FGFR1: variants seen among roughly 807,000 people sequenced by gnomAD.
FGFR1 encodes fibroblast growth factor receptor 1.
A neutral mutation model predicts 93.7 loss-of-function variants in FGFR1; 18 were observed. The observed-to-expected ratio is 0.19, with a 90% CI of 0.13 to 0.28. FGFR1 has a LOEUF of 0.28. FGFR1 is among the 10% of genes least tolerant of loss of function. FGFR1 has a pLI of 1.00. For synonymous variants in FGFR1, 448 were observed against 429.3 expected (o/e 1.04, Z -0.54); for missense variants, 731 against 1,080.4 (o/e 0.68, Z 4.53).
In FGFR1 at chr8:38,465,874, T is replaced by A. The variant is rs377593474; in HGVS notation, c.-89+2107A>T. ...CCGGAGGTGCAAAGGGTAGGGCACATCTGCGGAGGAAACAGTCACCTTAAT... is the reference window on the plus strand; with the variant it reads ...CCGGAGGTGCAAAGGGTAGGGCACAACTGCGGAGGAAACAGTCACCTTAAT... On this transcript the variant is annotated intron_variant, in intron 1 of 17. Coordinates refer to ENST00000447712, the MANE Select transcript of FGFR1 (RefSeq NM_023110.3). 4.5e-4 allele frequency: 100 copies of A among 223,488 alleles called. No homozygotes were observed. The East Asian group carries it at 5.3e-3, about 12-fold the overall frequency. The allele number at this position is 223,488 out of a possible 1,614,324, so 13.8% of individuals were successfully genotyped here.
rs1318408227 is a variant in FGFR1 at position 38,467,864 on chromosome 8, G to C, written c.-89+117C>G. The C allele has an allele frequency of 2.2e-5, 5 of 229,248 alleles. No individual in the cohort carries two copies. In the East Asian group the frequency reaches 3.1e-4, roughly 14 times the overall value. The allele number at this position is 229,248 out of a possible 1,614,324, so 14.2% of individuals were successfully genotyped here. ...GAAAGGGGCGGGCGGCGAGCGGAGG[G>C]AGGCGCCGGCCCCGGCTGGGCTGCG... On this transcript the variant is annotated intron_variant, in intron 1 of 17. Coordinates refer to ENST00000447712, the MANE Select transcript of FGFR1 (RefSeq NM_023110.3).
At chr8:38,428,511 T>G in intron 3 of FGFR1, 76 bp from the exon 4 acceptor site, 1 of 1,164,300 alleles carries the variant, frequency 8.6e-7, no homozygotes, top group Non-Finnish European at 1.3e-6. Context: ...CAGTTCCAGA[T>G]GAACACGGAC....
At chr8:38,423,281 G>T in intron 7 of FGFR1, 26 of 553,304 alleles carry the variant, frequency 4.7e-5, no homozygotes, top group Admixed American at 8.9e-5. Flanking sequence ...GAAGGGAGAT[G>T]TTAAGTGAGA....
chr8:38,423,520 C>G (rs1819582634), intron 7 of FGFR1: 1 of 268,520 alleles, frequency 3.7e-6, no homozygotes. Flanking sequence ...TGGGGTTTCA[C>G]CATGTTGGCC....
In FGFR1 at chr8:38,415,992, G is replaced by C. The variant is rs1816409609; in HGVS notation, c.1732C>G (p.Pro578Ala). ...TTGTAGCAGTATTCCAGCCCTGGGGGCCTCCGGGCCTGCAGGTACTCCCGC... is the reference window on the plus strand; with the variant it reads ...TTGTAGCAGTATTCCAGCCCTGGGGCCCTCCGGGCCTGCAGGTACTCCCGC... ...NLREYLQARR[P>A]PGLEYCYNPS... Residue 578 changes from proline (P) to alanine (A), a missense_variant, in exon 13 of 18, where the codon CCC (proline) becomes GCC (alanine). Coordinates refer to ENST00000447712, the MANE Select transcript of FGFR1 (RefSeq NM_023110.3). 1 of 1,613,964 alleles carries C rather than the reference G, an allele frequency of 6.2e-7. No homozygotes were observed.
At chr8:38,434,535 C>A in intron 2 of FGFR1, 1 of 317,428 alleles carries the variant, frequency 3.2e-6, no homozygotes, top group Non-Finnish European at 6.2e-6. Flanking sequence ...ACCTTCACCA[C>A]AAGGAGATTT....
intron 2 of FGFR1, among the ~76,000 whole-genome samples, chr8:38,438,669 GC>G: frequency 6.6e-6 from 1 of 152,236 alleles, no homozygotes; most frequent in African/African-American, 2.4e-5. Flanking sequence ...AACACAGGTA[GC>G]CTGGTTCTCC....
intron 2 of FGFR1, among the ~76,000 whole-genome samples, chr8:38,444,880 T>C (rs968938367): frequency 2.6e-5 from 4 of 152,138 alleles, no homozygotes; most frequent in Non-Finnish European, 5.9e-5. Flanking sequence ...TTGAGGTCCT[T>C]GTAAAACCAT....
At chr8:38,441,903 G>A (rs1483421821) in intron 2 of FGFR1, among the ~76,000 whole-genome samples, 1 of 152,110 alleles carries the variant, frequency 6.6e-6, no homozygotes, top group South Asian at 2.1e-4. Flanking sequence ...AAAAATGAGA[G>A]GCTCAACTCA....
Position 38,429,607 on chromosome 8 carries a change from C to T in FGFR1, c.358+75G>A, listed in dbSNP as rs1408274575. On this transcript the variant is annotated intron_variant, in intron 3 of 17. Transcript: ENST00000447712. The surrounding 1 kb of genome is among the most constrained non-coding windows in gnomAD (Gnocchi z 4.4). ...GATCACGGAGGGGGAGGAGGTTCAC[C>T]TTCCTCTGAAACTGGCAGAGAGGGC... 1 of 1,494,754 alleles carries T rather than the reference C, an allele frequency of 6.7e-7. No homozygotes were observed. Among genetic ancestry groups the T allele is most frequent in the Non-Finnish European group, 9.1e-7 (1 of 1,102,924 alleles). The allele number at this position is 1,494,754 out of a possible 1,614,324, so 92.6% of individuals were successfully genotyped here. A position where few individuals can be genotyped will look rare whatever the true frequency, so the allele number is the denominator to read the frequency against.
chr8:38,421,988 C>T (rs2150762134), intron 7 of FGFR1, 47 bp from the exon 8 acceptor site: 1 of 1,609,494 alleles, frequency 6.2e-7, no homozygotes, highest in Non-Finnish European at 8.5e-7. Flanking sequence ...GGACATGAGA[C>T]CTCTAAGAGA....
intron 2 of FGFR1, among the ~76,000 whole-genome samples, chr8:38,450,713 C>CA (rs1830786945): frequency 6.6e-6 from 1 of 152,208 alleles, no homozygotes; most frequent in Admixed American, 6.5e-5. Context: ...TCCCTTCCCC[C>CA]ACTGGCAGCA....
At chr8:38,456,352 C>G (rs1832841064) in intron 2 of FGFR1, among the ~76,000 whole-genome samples, 1 of 152,244 alleles carries the variant, frequency 6.6e-6, no homozygotes, top group South Asian at 2.1e-4. Flanking sequence ...ACAGCTCACA[C>G]AGATCCCAAG....
chr8:38,418,158 A>G (rs1345083470), intron 10 of FGFR1, 70 bp downstream of exon 10: 2 of 1,604,972 alleles, frequency 1.2e-6, no homozygotes, highest in Non-Finnish European at 1.7e-6. Context: ...GTGTTAGTAT[A>G]CACACCTTCC....
intron 12 of FGFR1, 25 bp from the exon 13 acceptor site, chr8:38,416,085 T>A (rs1369282026): frequency 3.1e-6 from 5 of 1,599,500 alleles, no homozygotes; most frequent in Non-Finnish European, 4.3e-6. Flanking sequence ...GAAGAGGCCA[T>A]GGGGCCAGCA....
Position 38,426,701 on chromosome 8 carries a change from T to G in FGFR1, c.622-456A>C, listed in dbSNP as rs1189506048. On this transcript the variant is annotated intron_variant, in intron 5 of 17. Coordinates refer to ENST00000447712, the MANE Select transcript of FGFR1 (RefSeq NM_023110.3). This position sits in a 1 kb window ranked among gnomAD's most constrained non-coding sequence, Gnocchi z 4.1. ...ACTGATCACAGTCTACTTTTTACGG[T>G]AGCTGCTCATGGACATTTGCCTCCT... 6.6e-6 allele frequency among the ~76,000 whole-genome samples: 1 copy of G among 152,212 alleles called. No individual in the cohort carries two copies. Among genetic ancestry groups the G allele is most frequent in the African/African-American group, 2.4e-5 (1 of 41,454 alleles).
At chr8:38,430,227 A>C (rs1822465641) in intron 2 of FGFR1, 1 of 338,458 alleles carries the variant, frequency 3.0e-6, no homozygotes. Context: ...CTGTAGCAGC[A>C]TTAAGCGCAT....
In FGFR1 at chr8:38,413,568, G is replaced by A. The variant is rs2150501141; in HGVS notation, c.*60C>T. On this transcript the variant is annotated 3_prime_UTR_variant, in exon 18 of 18. Transcript: ENST00000447712. The surrounding 1 kb of genome is among the most constrained non-coding windows in gnomAD (Gnocchi z 4.2). ...GGACGGACAGGTGGTGGGCCCAGCA[G>A]GGGCTGTGGGTGAGGGTTACAGCTG... 1 of 1,534,122 alleles carries A rather than the reference G, an allele frequency of 6.5e-7. No individual in the cohort carries two copies. The highest frequency in any genetic ancestry group is 8.8e-7 in the Non-Finnish European group (1 of 1,132,704).
intron 1 of FGFR1, chr8:38,467,613 G>A (rs17175708): frequency 0.32 from 74,531 of 234,982 alleles, 13,777 homozygotes; most frequent in East Asian, 0.41. Flanking sequence ...CTCCTCCCCA[G>A]TCCAGGAAAC....
Sources: gnomAD v4.1 joint callset for allele counts (sites outside exome capture counted in the v4.1 genomes callset) on GRCh38, gnomAD v4.1.1 for gene constraint, Gnocchi (gnomAD v3.1) non-coding constraint, MANE v1.5 for transcripts, NCBI Gene and HGNC (gene_info 2026-07-23, HGNC 2026-07-21) for gene names.